ANKHD1: variants seen among roughly 807,000 people sequenced by gnomAD.
ANKHD1 encodes the protein ankyrin repeat and KH domain containing 1.
ANKHD1 carries 31 observed loss-of-function variants against 230.5 expected under a neutral mutation model. That is an observed-to-expected ratio of 0.13 (90% CI 0.10 to 0.18). The LOEUF (loss-of-function observed/expected upper bound fraction) is 0.18, where lower values mean the gene tolerates loss of function less well. Among genes scored for constraint, ANKHD1 ranks in the 10% least tolerant of loss-of-function variants. The pLI, the probability that ANKHD1 is intolerant of heterozygous loss-of-function variation, is 1.00. For synonymous variants in ANKHD1, 1,074 were observed against 1,117.6 expected (o/e 0.96, Z 0.78); for missense variants, 2,256 against 3,071.3 (o/e 0.73, Z 6.27).
At chr5:140,436,663 T>C (rs1773468113) in intron 2 of ANKHD1, among the ~76,000 whole-genome samples, 1 of 152,034 alleles carries the variant, frequency 6.6e-6, no homozygotes, top group Middle Eastern at 3.4e-3. Flanking sequence ...GGAGAATTGC[T>C]TGAACCCTAG....
At chr5:140,524,883 G>T in intron 25 of ANKHD1, 1 of 210,828 alleles carries the variant, frequency 4.7e-6, no homozygotes, top group South Asian at 5.2e-5. Flanking sequence ...AGCGGATCAC[G>T]AGGTCAGGAG....
At chr5:140,498,611 C>T (rs1445564020) in intron 15 of ANKHD1, among the ~76,000 whole-genome samples, 2 of 152,134 alleles carry the variant, frequency 1.3e-5, no homozygotes, top group Non-Finnish European at 2.9e-5. Context: ...GTATTATTAG[C>T]ATTGAAAGTT....
chr5:140,461,242 C>T (rs552546593), intron 9 of ANKHD1, among the ~76,000 whole-genome samples: 1 of 152,254 alleles, frequency 6.6e-6, no homozygotes, highest in East Asian at 1.9e-4. Context: ...GGTAACCAAG[C>T]TAATAGGGAC....
rs1180106382 is a variant in ANKHD1, at chr5:140,402,289, C to T, written c.306+16C>T. On this transcript the variant is annotated intron_variant, in intron 1 of 33. Transcript: ENST00000360839. ...AGTGTCCGAGGTAAGGCTCCGGGAC[C>T]CTCGCCTCCCACACATTGTGAGGCG... is the stretch of plus-strand genomic sequence containing the variant. 5.5e-6 allele frequency: 8 copies of T among 1,459,208 alleles called. No homozygotes were observed. In the East Asian group the frequency reaches 2.3e-4, roughly 41 times the overall value. The allele number at this position is 1,459,208 out of a possible 1,614,324, so 90.4% of individuals were successfully genotyped here. A position where few individuals can be genotyped will look rare whatever the true frequency, so the allele number is the denominator to read the frequency against.
intron 1 of ANKHD1, among the ~76,000 whole-genome samples, chr5:140,405,825 G>A (rs1033559734): frequency 1.3e-5 from 2 of 152,100 alleles, no homozygotes; most frequent in Non-Finnish European, 2.9e-5. Flanking sequence ...TAGAGACAGC[G>A]TTTTGTCACG....
rs1010369132 is a variant in ANKHD1, at chr5:140,504,837, G to C, written c.3021G>C (p.Val1007=). The change falls in exon 16 of 34, where the codon GTG becomes GTC. Residue 1007 remains valine, a synonymous_variant. Transcript: ENST00000360839. ...DDLIAAVSTR[V]PTGSNSSSQT... ...GTTTTTCAGCTGTGAGTACCAGAGT[G>C]CCCACTGGTTCCAACAGTTCTTCTC... 1.9e-6 allele frequency: 3 copies of C among 1,613,384 alleles called. No homozygotes were observed. The highest frequency in any genetic ancestry group is 2.7e-5 in the African/African-American group (2 of 74,868).
At position 140,538,990 on chromosome 5, in the gene ANKHD1, C is replaced by T. The variant is rs756218640; in HGVS notation, c.7476C>T (p.Gly2492=). ...SHPQLADVPG[G]PLFNGLHNPD... is the part of the protein sequence containing the mutation. ...CTCAGCTTGCTGATGTTCCAGGAGG[C>T]CCTCTGTTTAATGGACTTCACAATC... Residue 2492 remains glycine (G), a synonymous_variant, in exon 33 of 34, where the codon GGC becomes GGT. Coordinates refer to ENST00000360839, the MANE Select transcript of ANKHD1 (RefSeq NM_017747.3). 2 of 1,611,024 alleles carry T rather than the reference C, an allele frequency of 1.2e-6. No individual in the cohort carries two copies. The highest frequency in any genetic ancestry group is 1.7e-6 in the Non-Finnish European group (2 of 1,178,556).
chr5:140,526,545 A>T, intron 26 of ANKHD1, 102 bp downstream of exon 26: 1 of 1,397,008 alleles, frequency 7.2e-7, no homozygotes, highest in Non-Finnish European at 9.5e-7. Flanking sequence ...GTGTTAAACA[A>T]TTGAAGTCTA....
At chr5:140,449,065 G>C in intron 6 of ANKHD1, 146 bp from the exon 7 acceptor site, 1 of 838,466 alleles carries the variant, frequency 1.2e-6, no homozygotes, top group Non-Finnish European at 1.8e-6. Context: ...AATGGGCTTT[G>C]TAAAACTGTT....
In ANKHD1 at chr5:140,537,436, A is replaced by G. The variant is rs980535081; in HGVS notation, c.7075A>G (p.Ser2359Gly). Reference sequence around the variant, plus strand: ...GGGCCAACCAAAAGGAGTCAGTGCCAGTCAAGATCGAAAGATACCTCCCCC... The same window carrying G: ...GGGCCAACCAAAAGGAGTCAGTGCCGGTCAAGATCGAAAGATACCTCCCCC... Reference protein sequence around the residue: ...TLGQPKGVSASQDRKIPPPIG... With the variant: ...TLGQPKGVSAGQDRKIPPPIG... Residue 2359 changes from serine (S) to glycine (G), a missense_variant, in exon 31 of 34, where the codon AGT (serine) becomes GGT (glycine). Physicochemically the swap from Ser to Gly is moderately conservative, Grantham distance 56 (BLOSUM62 0). This residue lies in a region of ANKHD1 where 778 missense variants were observed against 966.5 expected (regional missense o/e 0.80). Transcript: ENST00000360839. 1 of 1,614,060 alleles carries G rather than the reference A, an allele frequency of 6.2e-7. No individual in the cohort carries two copies. The highest frequency in any genetic ancestry group is 1.3e-5 in the African/African-American group (1 of 74,928).
At chr5:140,484,242 A>C (rs1751411712) in intron 11 of ANKHD1, among the ~76,000 whole-genome samples, 2 of 152,256 alleles carry the variant, frequency 1.3e-5, no homozygotes, top group South Asian at 4.1e-4. Flanking sequence ...AGAATTAAGA[A>C]GGAAGAATGA....
chr5:140,535,708 C>CT (rs1471052724), intron 30 of ANKHD1, 170 bp downstream of exon 30: 1 of 1,021,588 alleles, frequency 9.8e-7, no homozygotes, highest in Non-Finnish European at 1.3e-6. Context: ...GCATAGAAAA[C>CT]TTGAGAATTA....
At position 140,496,552 on chromosome 5, in the gene ANKHD1, G is replaced by A. The variant is rs1169967998; in HGVS notation, c.2278G>A (p.Val760Ile). ...TSKQKSSSLQ[V>I]ADQDLLPSFH... ...CAAGCAGAAGTCCAGTTCCCTCCAG[G>A]TAGCAGATCAGGACCTACTGCCATC... The change falls in exon 15 of 34, where the codon GTA becomes ATA. Residue 760 changes from valine (V) to isoleucine (I), a missense_variant. By Grantham distance (29) the Val-to-Ile change is conservative (BLOSUM62 3). This residue lies in a region of ANKHD1 where 358 missense variants were observed against 397.7 expected (regional missense o/e 0.90). Transcript: ENST00000360839. 2 of 1,605,122 alleles carry A rather than the reference G, an allele frequency of 1.2e-6. No individual in the cohort carries two copies. The highest frequency in any genetic ancestry group is 1.7e-6 in the Non-Finnish European group (2 of 1,177,940).
chr5:140,458,630 A>G lies in ANKHD1; in HGVS notation c.1248A>G (p.Gly416=). Residue 416 remains glycine, a synonymous_variant, in exon 8 of 34, where the codon GGA becomes GGG. Coordinates refer to ENST00000360839, the MANE Select transcript of ANKHD1 (RefSeq NM_017747.3). ...HTALMEACMD[G]HVEVARLLLD... ...TTACTTCTGAAAATCTGCAGGATGG[A>G]CATGTAGAGGTGGCACGTTTGCTTT... is the stretch of plus-strand genomic sequence containing the variant. The G allele has an allele frequency of 6.3e-7, 1 of 1,595,104 alleles. No individual in the cohort carries two copies.
chr5:140,455,697 T>G (rs1458540974), intron 7 of ANKHD1, among the ~76,000 whole-genome samples: 1 of 152,102 alleles, frequency 6.6e-6, no homozygotes, highest in Non-Finnish European at 1.5e-5. Flanking sequence ...ATAAATTAGG[T>G]ATTGATGGGA....
At chr5:140,443,841 C>T (rs1774061273) in intron 5 of ANKHD1, among the ~76,000 whole-genome samples, 1 of 152,004 alleles carries the variant, frequency 6.6e-6, no homozygotes. Context: ...TATATGGAAG[C>T]ACAGATATAA....
chr5:140,464,859 A>G, intron 10 of ANKHD1, 83 bp downstream of exon 10: 4 of 1,357,546 alleles, frequency 2.9e-6, no homozygotes, highest in Non-Finnish European at 3.0e-6. Flanking sequence ...CTAAAGATCA[A>G]TGGTTTGCGT....
At position 140,505,779 on chromosome 5, in the gene ANKHD1, C is replaced by G; in HGVS notation, c.3318C>G (p.Ile1106Met). The change falls in exon 18 of 34, where the codon ATC (isoleucine) becomes ATG (methionine). Residue 1106 changes from isoleucine to methionine, a missense_variant. Transcript: ENST00000360839. ...CAGGGCATGTTGGAGTTGTTGAAATCCTTTTGGATAAAGGTGGAGATATAG... is the reference window on the plus strand; with the variant it reads ...CAGGGCATGTTGGAGTTGTTGAAATGCTTTTGGATAAAGGTGGAGATATAG... ...ATAGHVGVVE[I>M]LLDKGGDIEA... 6.2e-7 allele frequency: 1 copy of G among 1,612,998 alleles called. No homozygotes were observed. Among genetic ancestry groups the G allele is most frequent in the Non-Finnish European group, 8.5e-7 (1 of 1,179,590 alleles).
At chr5:140,531,374 A>G (rs1262630701) in intron 29 of ANKHD1, 1 of 362,542 alleles carries the variant, frequency 2.8e-6, no homozygotes, top group South Asian at 2.0e-5. Flanking sequence ...TGAGGTCAGG[A>G]GTTTGAGACA....
Sources: gnomAD v4.1 joint callset for allele counts (sites outside exome capture counted in the v4.1 genomes callset) on GRCh38, gnomAD v4.1.1 for gene constraint, gnomAD v4.1.1 regional missense constraint, MANE v1.5 for transcripts, NCBI Gene and HGNC (gene_info 2026-07-23, HGNC 2026-07-21) for gene names.